TCEANC2: variants seen among roughly 807,000 people sequenced by gnomAD.
The protein encoded by TCEANC2 is transcription elongation factor A N-terminal and central domain containing 2, also known as transcription elongation factor A N-terminal and central domain-containing protein 2.
TCEANC2 carries 20 observed loss-of-function variants against 22.8 expected under a neutral mutation model. The observed-to-expected ratio is 0.88, with a 90% CI of 0.62 to 1.28. The LOEUF is 1.28. Ranked by LOEUF, TCEANC2 falls within the 50% of genes most tolerant of loss-of-function variation. The pLI, the probability that TCEANC2 is intolerant of heterozygous loss-of-function variation, is 0.00. For missense variants in TCEANC2, 251 were observed against 249.7 expected (o/e 1.01, Z -0.03); for synonymous variants, 84 against 95.5 (o/e 0.88, Z 0.70).
intron 4 of TCEANC2, among the ~76,000 whole-genome samples, chr1:54,089,511 G>A (rs1557693434): frequency 6.6e-6 from 1 of 152,140 alleles, no homozygotes; most frequent in Non-Finnish European, 1.5e-5. Flanking sequence ...AATATTCATT[G>A]TCATCAAACA....
At chr1:54,064,845 A>G (rs1479042798) in intron 2 of TCEANC2, among the ~76,000 whole-genome samples, 1 of 151,796 alleles carries the variant, frequency 6.6e-6, no homozygotes, top group African/African-American at 2.4e-5. Flanking sequence ...GATGACAGAC[A>G]TGTGCCACCA....
At chr1:54,080,207 G>A (rs1570010946) in intron 3 of TCEANC2, among the ~76,000 whole-genome samples, 2 of 150,576 alleles carry the variant, frequency 1.3e-5, no homozygotes, top group African/African-American at 4.9e-5. Context: ...CCGGTGGTGC[G>A]ATCTTGGCGC....
intron 2 of TCEANC2, among the ~76,000 whole-genome samples, chr1:54,063,508 G>A (rs1297994304): frequency 6.6e-6 from 1 of 152,072 alleles, no homozygotes; most frequent in Non-Finnish European, 1.5e-5. Context: ...AGATCTTCTT[G>A]TATAGTCTAA....
At chr1:54,082,608 A>G (rs1658267712) in intron 3 of TCEANC2, among the ~76,000 whole-genome samples, 1 of 152,098 alleles carries the variant, frequency 6.6e-6, no homozygotes, top group African/African-American at 2.4e-5. Context: ...AAGGCACAGA[A>G]GTAGGAGCAG....
intron 4 of TCEANC2, 142 bp downstream of exon 4, chr1:54,088,932 A>G (rs113446293): frequency 4.1e-6 from 2 of 490,796 alleles, no homozygotes; most frequent in Non-Finnish European, 6.8e-6. Flanking sequence ...TTAAGATTTC[A>G]TAATCTTAAT....
At chr1:54,068,308 A>G (rs1657994478) in intron 2 of TCEANC2, among the ~76,000 whole-genome samples, 1 of 152,186 alleles carries the variant, frequency 6.6e-6, no homozygotes, top group African/African-American at 2.4e-5. Context: ...TGAACAAGAG[A>G]GAGTTTTGAA....
At position 54,068,812 on chromosome 1, in the gene TCEANC2, TCAAAC is replaced by T; in HGVS notation, c.164_168del (p.Thr55ArgfsTer5). On this transcript the variant is annotated frameshift_variant, in exon 3 of 5. Transcript: ENST00000234827. LOFTEE classifies it high-confidence loss of function. ...GGAAAACTATGCTGGAGCTTCCTGA[TCAAAC>T]CAAAGAGAATCTTGTTGAAGCCTTA... 2 of 1,612,548 alleles carry T rather than the reference TCAAAC, an allele frequency of 1.2e-6. No individual in the cohort carries two copies. The highest frequency in any genetic ancestry group is 1.7e-6 in the Non-Finnish European group (2 of 1,179,478).
At chr1:54,065,684 G>C (rs1657941283) in intron 2 of TCEANC2, among the ~76,000 whole-genome samples, 1 of 152,062 alleles carries the variant, frequency 6.6e-6, no homozygotes, top group Non-Finnish European at 1.5e-5. Flanking sequence ...CTGCACTCCA[G>C]CCTGGGCAAC....
chr1:54,067,306 T>C (rs920656567), intron 2 of TCEANC2, among the ~76,000 whole-genome samples: 2 of 152,082 alleles, frequency 1.3e-5, no homozygotes, highest in Non-Finnish European at 2.9e-5. Context: ...GACACTGGGA[T>C]CCCTATAGGG....
At chr1:54,069,617 A>G (rs1172843547) in intron 3 of TCEANC2, among the ~76,000 whole-genome samples, 2 of 152,054 alleles carry the variant, frequency 1.3e-5, no homozygotes, top group African/African-American at 2.4e-5. Flanking sequence ...AAAAAAAAAA[A>G]AAAGAAACTT....
In TCEANC2 at chr1:54,103,288, A is replaced by T. The variant is rs1349853374; in HGVS notation, c.*6815A>T. The T allele has an allele frequency of 1.3e-5, 2 of 152,310 alleles. No individual in the cohort carries two copies. The highest frequency in any genetic ancestry group is 4.8e-5 in the African/African-American group (2 of 41,448). The allele number at this position is 152,310 out of a possible 1,614,324, so 9.4% of individuals were successfully genotyped here. A position where few individuals can be genotyped will look rare whatever the true frequency, so the allele number is the denominator to read the frequency against. Reference sequence around the variant, plus strand: ...CCTGAGACTGGGTAATTTAAGAAGGAAAGAGGTTTCATTGACTCAAATTTC... The same window carrying T: ...CCTGAGACTGGGTAATTTAAGAAGGTAAGAGGTTTCATTGACTCAAATTTC... On this transcript the variant is annotated 3_prime_UTR_variant, in exon 5 of 5. Transcript: ENST00000234827.
At chr1:54,079,580 A>C (rs1557690833) in intron 3 of TCEANC2, among the ~76,000 whole-genome samples, 1 of 152,118 alleles carries the variant, frequency 6.6e-6, no homozygotes, top group African/African-American at 2.4e-5. Context: ...CTCCATCTTC[A>C]AAACTTGCAA....
intron 3 of TCEANC2, among the ~76,000 whole-genome samples, chr1:54,074,390 G>C (rs529318177): frequency 3.9e-5 from 6 of 152,258 alleles, no homozygotes; most frequent in Admixed American, 6.5e-5. Context: ...GTGAACCCGG[G>C]GGGCAGAGCT....
chr1:54,071,836 G>A (rs1190915447), intron 3 of TCEANC2, among the ~76,000 whole-genome samples: 8 of 151,312 alleles, frequency 5.3e-5, no homozygotes, highest in Admixed American at 5.3e-4. Context: ...TTTTGAGACA[G>A]GGTCTTTCTG....
At chr1:54,088,915 T>G in intron 4 of TCEANC2, 125 bp downstream of exon 4, 2 of 526,306 alleles carry the variant, frequency 3.8e-6, no homozygotes, top group Non-Finnish European at 6.2e-6. Flanking sequence ...GCCTCATAAT[T>G]TCATAATTAA....
chr1:54,067,506 C>T (rs1390292778), intron 2 of TCEANC2, among the ~76,000 whole-genome samples: 4 of 152,178 alleles, frequency 2.6e-5, no homozygotes, highest in South Asian at 4.1e-4. Context: ...GTACTAAAAC[C>T]TGATTAGCAT....
chr1:54,096,843 A>G lies in TCEANC2; in HGVS notation c.*370A>G. 1.0e-6 allele frequency: 1 copy of G among 998,942 alleles called. No homozygotes were observed. The highest frequency in any genetic ancestry group is 1.2e-6 in the Non-Finnish European group (1 of 838,502). 61.9% of individuals were successfully genotyped at this position (998,942 alleles called of 1,614,324 possible). A position where few individuals can be genotyped will look rare whatever the true frequency, so the allele number is the denominator to read the frequency against. ...TTACTACTATATTTCACCACCCTGC[A>G]GGTAACTGAAACTCAATTACCGCTG... On this transcript the variant is annotated 3_prime_UTR_variant, in exon 5 of 5. Coordinates refer to ENST00000234827, the MANE Select transcript of TCEANC2 (RefSeq NM_153035.3). This position sits in a 1 kb window ranked among gnomAD's most constrained non-coding sequence, Gnocchi z 4.9.
At chr1:54,095,052 A>C (rs1206843124) in intron 4 of TCEANC2, among the ~76,000 whole-genome samples, 1 of 152,230 alleles carries the variant, frequency 6.6e-6, no homozygotes, top group East Asian at 1.9e-4. Flanking sequence ...GGCTGAAGCC[A>C]GAAGATCACT....
At chr1:54,054,969 G>T (rs985900511) in intron 2 of TCEANC2, among the ~76,000 whole-genome samples, 1 of 152,040 alleles carries the variant, frequency 6.6e-6, no homozygotes, top group Non-Finnish European at 1.5e-5. Context: ...CTGTTTTTTT[G>T]TTGTCGTTGT....
Sources: allele counts gnomAD v4.1 joint callset (sites outside exome capture counted in the v4.1 genomes callset), GRCh38; gene constraint gnomAD v4.1.1; non-coding constraint Gnocchi (gnomAD v3.1); transcripts MANE v1.5; gene names NCBI Gene and HGNC (gene_info 2026-07-23, HGNC 2026-07-21).